Variants in LRMDA observed in about 807,000 individuals in gnomAD.
The protein encoded by LRMDA is leucine rich melanocyte differentiation associated.
LRMDA carries 18 observed loss-of-function variants against 29.8 expected under a neutral mutation model. That is an observed-to-expected ratio of 0.60 (90% CI 0.42 to 0.90). The LOEUF (loss-of-function observed/expected upper bound fraction) is 0.90, where lower values mean the gene tolerates loss of function less well. LRMDA is among the 40% of genes least tolerant of loss of function. The pLI, the probability that LRMDA is intolerant of heterozygous loss-of-function variation, is 0.00. For missense variants in LRMDA, 273 were observed against 273.9 expected, an observed-to-expected ratio of 1.00 and a Z score of 0.02; for synonymous variants, 125 against 109.4, an observed-to-expected ratio of 1.14 and a Z score of -0.89.
intron 2 of LRMDA, among the ~76,000 whole-genome samples, chr10:75,813,982 T>C (rs1844011917): frequency 6.6e-6 from 1 of 152,260 alleles, no homozygotes; most frequent in Non-Finnish European, 1.5e-5. Context: ...ATAAATCCAT[T>C]TGTCACTATT....
In LRMDA at chr10:75,796,995, G is replaced by C. The variant is rs1428904816; in HGVS notation, c.132-239013G>C. Among the ~76,000 whole-genome samples the C allele has an allele frequency of 2.6e-5, 4 of 152,192 alleles. No homozygotes were observed. The East Asian group carries it at 7.7e-4, about 29-fold the overall frequency. The stretch of plus-strand genomic sequence containing the variant: ...TATCTACTGGCCTCAAGATGAATTG[G>C]AAAGTGTTCCTTCCTCCTCTGTGCT... On this transcript the variant is annotated intron_variant, in intron 2 of 6. Coordinates refer to ENST00000611255, the MANE Select transcript of LRMDA (RefSeq NM_001305581.2).
chr10:75,726,577 G>A (rs1022427506), intron 2 of LRMDA, among the ~76,000 whole-genome samples: 1 of 152,196 alleles, frequency 6.6e-6, no homozygotes, highest in Non-Finnish European at 1.5e-5. Flanking sequence ...ATTTCTCATG[G>A]CCATGGCCCC....
At chr10:76,037,672 C>G (rs1848274476) in intron 3 of LRMDA, among the ~76,000 whole-genome samples, 1 of 152,190 alleles carries the variant, frequency 6.6e-6, no homozygotes, top group Non-Finnish European at 1.5e-5. Context: ...TGTATCATCA[C>G]ATAGCAGAGA....
chr10:75,676,735 A>C (rs1841964493), intron 2 of LRMDA, among the ~76,000 whole-genome samples: 1 of 152,098 alleles, frequency 6.6e-6, no homozygotes, highest in Admixed American at 6.6e-5. Flanking sequence ...AATTCTCTGA[A>C]GGAGTGATTT....
intron 5 of LRMDA, among the ~76,000 whole-genome samples, chr10:76,314,525 A>G (rs1005884899): frequency 1.3e-5 from 2 of 152,334 alleles, no homozygotes; most frequent in Admixed American, 6.5e-5. Flanking sequence ...TCAAACTACA[A>G]AGTGCCATCA....
intron 2 of LRMDA, among the ~76,000 whole-genome samples, chr10:75,866,060 A>G (rs188759610): frequency 2.6e-5 from 4 of 152,292 alleles, no homozygotes; most frequent in African/African-American, 4.8e-5. Flanking sequence ...AAAAGGATTG[A>G]CAGAGATTTT....
chr10:76,153,553 T>C (rs553312512), intron 5 of LRMDA, among the ~76,000 whole-genome samples: 101 of 152,310 alleles, frequency 6.6e-4, no homozygotes, highest in Admixed American at 2.1e-3. Flanking sequence ...GTTCTCCCAG[T>C]ATTATATGTT....
intron 6 of LRMDA, among the ~76,000 whole-genome samples, chr10:76,457,428 A>G (rs571546502): frequency 2.6e-5 from 4 of 152,260 alleles, no homozygotes; most frequent in Non-Finnish European, 5.9e-5. Flanking sequence ...ACAAGGTGAC[A>G]CTGCTTTTTC....
At chr10:75,634,885 G>A (rs1841372122) in intron 2 of LRMDA, among the ~76,000 whole-genome samples, 1 of 152,032 alleles carries the variant, frequency 6.6e-6, no homozygotes, top group Non-Finnish European at 1.5e-5. Flanking sequence ...AAGAATGGGG[G>A]ATTTATATGA....
At chr10:76,260,889 C>A (rs987305058) in intron 5 of LRMDA, 3 of 152,078 alleles carry the variant, frequency 2.0e-5, no homozygotes, top group African/African-American at 4.8e-5. Context: ...GTATAGGTAC[C>A]ACTGAAGTGA....
intron 2 of LRMDA, among the ~76,000 whole-genome samples, chr10:75,821,835 C>T (rs1844167432): frequency 6.6e-6 from 1 of 151,846 alleles, no homozygotes; most frequent in Admixed American, 6.6e-5. Context: ...AAGGGACATA[C>T]CTCAAAATAA....
chr10:76,057,165 T>C (rs1459496203), intron 4 of LRMDA, among the ~76,000 whole-genome samples: 2 of 152,188 alleles, frequency 1.3e-5, no homozygotes, highest in East Asian at 3.9e-4. Context: ...TCCTTTTCCA[T>C]TGAGTTTTCA....
At chr10:76,427,538 G>A (rs1276974324) in intron 6 of LRMDA, among the ~76,000 whole-genome samples, 1 of 152,180 alleles carries the variant, frequency 6.6e-6, no homozygotes, top group Non-Finnish European at 1.5e-5. Context: ...ATACAATGAT[G>A]TCATCTGCAA....
intron 1 of LRMDA, among the ~76,000 whole-genome samples, chr10:75,432,896 T>C (rs1450066618): frequency 5.9e-5 from 9 of 152,178 alleles, no homozygotes; most frequent in Non-Finnish European, 1.3e-4. Flanking sequence ...CCAGGTGTTG[T>C]TGGAAATTAG....
At chr10:75,648,844 G>A (rs980923283) in intron 2 of LRMDA, among the ~76,000 whole-genome samples, 3 of 152,092 alleles carry the variant, frequency 2.0e-5, no homozygotes, top group Admixed American at 2.0e-4. Context: ...TGGGTGGTGG[G>A]CATATTCCCA....
intron 2 of LRMDA, among the ~76,000 whole-genome samples, chr10:75,933,989 T>C (rs1846246563): frequency 6.6e-6 from 1 of 152,164 alleles, no homozygotes; most frequent in Non-Finnish European, 1.5e-5. Flanking sequence ...AGGAAATGTC[T>C]TGGGGTTCCT....
At chr10:76,462,806 T>A (rs1842526779) in intron 6 of LRMDA, among the ~76,000 whole-genome samples, 1 of 152,108 alleles carries the variant, frequency 6.6e-6, no homozygotes, top group Admixed American at 6.6e-5. Context: ...CAGGGAACAG[T>A]GGGGGTTGTT....
At chr10:75,665,033 T>C (rs1452177091) in intron 2 of LRMDA, among the ~76,000 whole-genome samples, 2 of 152,184 alleles carry the variant, frequency 1.3e-5, no homozygotes, top group East Asian at 1.9e-4. Flanking sequence ...CAACTACTAC[T>C]TACTGGAGCT....
At chr10:76,043,970 G>A (rs771674504) in intron 3 of LRMDA, among the ~76,000 whole-genome samples, 1 of 152,208 alleles carries the variant, frequency 6.6e-6, no homozygotes, top group Non-Finnish European at 1.5e-5. Context: ...TCCCTCAGTC[G>A]TGTAGGGCCC....
Sources: allele counts gnomAD v4.1 joint callset (sites outside exome capture counted in the v4.1 genomes callset), GRCh38; gene constraint gnomAD v4.1.1; transcripts MANE v1.5; gene names NCBI Gene and HGNC (gene_info 2026-07-23, HGNC 2026-07-21).